Variants in PXDNL observed in about 807,000 individuals in gnomAD.
The protein encoded by PXDNL is peroxidasin like.
Under a neutral mutation model 150.8 loss-of-function variants are expected in PXDNL, and 145 were observed. The observed-to-expected ratio is 0.96, with a 90% CI of 0.84 to 1.10. PXDNL has a LOEUF of 1.10. PXDNL is among the 50% of genes least tolerant of loss of function. The pLI is 0.00. For missense variants in PXDNL, 2,087 were observed against 1,873.9 expected, an observed-to-expected ratio of 1.11 and a Z score of -2.10; for synonymous variants, 757 against 725.7, an observed-to-expected ratio of 1.04 and a Z score of -0.69.
chr8:51,335,198 AGTTT>A (rs1207025894), intron 21 of PXDNL, among the ~76,000 whole-genome samples: 23 of 152,088 alleles, frequency 1.5e-4, no homozygotes, highest in African/African-American at 5.6e-4. Flanking sequence ...TGTTTATATC[AGTTT>A]GTTTATTTGT....
At chr8:51,809,046 G>T in intron 1 of PXDNL, 135 bp downstream of exon 1, 1 of 876,426 alleles carries the variant, frequency 1.1e-6, no homozygotes, top group Non-Finnish European at 1.8e-6. Context: ...GAAATTGTTT[G>T]AAAAGTGAAA....
chr8:51,321,043 T>G (rs1805299599), intron 21 of PXDNL, 146 bp from the exon 22 acceptor site: 4 of 629,180 alleles, frequency 6.4e-6, no homozygotes, highest in Non-Finnish European at 1.1e-5. Flanking sequence ...TAATTTTTCA[T>G]TTTCCCCCAG....
chr8:51,684,647 G>A (rs954852307), intron 1 of PXDNL, among the ~76,000 whole-genome samples: 1 of 152,172 alleles, frequency 6.6e-6, no homozygotes, highest in Non-Finnish European at 1.5e-5. Flanking sequence ...TTATTCAGGT[G>A]GGCCTGACTT....
intron 1 of PXDNL, among the ~76,000 whole-genome samples, chr8:51,668,592 G>C (rs1003622906): frequency 1.3e-5 from 2 of 152,180 alleles, no homozygotes; most frequent in Admixed American, 1.3e-4. Flanking sequence ...CAACATGTCT[G>C]TACAAATGTA....
intron 3 of PXDNL, among the ~76,000 whole-genome samples, chr8:51,573,007 A>G (rs1320001444): frequency 2.6e-5 from 4 of 152,000 alleles, no homozygotes; most frequent in African/African-American, 9.7e-5. Flanking sequence ...ATTTATTTCA[A>G]ACTTAGAGAT....
At chr8:51,391,869 T>G (rs1180450592) in intron 17 of PXDNL, among the ~76,000 whole-genome samples, 2 of 152,220 alleles carry the variant, frequency 1.3e-5, no homozygotes, top group East Asian at 3.9e-4. Context: ...TTTATGGTTT[T>G]AGGTCTAATG....
At chr8:51,663,651 G>C (rs1815322554) in intron 1 of PXDNL, among the ~76,000 whole-genome samples, 1 of 152,146 alleles carries the variant, frequency 6.6e-6, no homozygotes, top group Admixed American at 6.5e-5. Context: ...AGAGTAAACT[G>C]AGAAAACCTG....
chr8:51,768,268 T>G (rs866658042), intron 1 of PXDNL, among the ~76,000 whole-genome samples: 29 of 152,106 alleles, frequency 1.9e-4, no homozygotes, highest in East Asian at 1.2e-3. Flanking sequence ...TGTTTTTTTT[T>G]TTTTGTTTTT....
At position 51,804,070 on chromosome 8, in the gene PXDNL, T is replaced by C. The variant is rs373968640; in HGVS notation, c.164+5111A>G. On this transcript the variant is annotated intron_variant, in intron 1 of 22. Transcript: ENST00000356297. ...GCCTCAGGAGGTCCTGATGACATGA[T>C]AGAGCACAATTCGGTTTTATACATT... is the stretch of plus-strand genomic sequence containing the variant. Among the ~76,000 whole-genome samples the C allele has an allele frequency of 5.9e-5, 9 of 152,342 alleles. No homozygotes were observed. The East Asian group carries it at 1.3e-3, about 23-fold the overall frequency.
intron 4 of PXDNL, among the ~76,000 whole-genome samples, chr8:51,500,911 T>C (rs1475651910): frequency 6.6e-6 from 1 of 152,182 alleles, no homozygotes; most frequent in Non-Finnish European, 1.5e-5. Context: ...AAAAGAAAAA[T>C]GTTTAAGAAA....
intron 17 of PXDNL, among the ~76,000 whole-genome samples, chr8:51,399,317 C>T (rs184080987): frequency 5.9e-5 from 9 of 152,114 alleles, no homozygotes; most frequent in Admixed American, 3.3e-4. Context: ...GAGATAAATA[C>T]GGGAAACAAC....
At chr8:51,435,767 T>A in intron 12 of PXDNL, 1 of 387,366 alleles carries the variant, frequency 2.6e-6, no homozygotes. Context: ...CAAGGGGGAG[T>A]GAAAAAACAA....
intron 2 of PXDNL, among the ~76,000 whole-genome samples, chr8:51,652,434 C>G (rs992082866): frequency 1.4e-5 from 2 of 144,066 alleles, no homozygotes; most frequent in African/African-American, 5.6e-5. Context: ...CTCTCTCTCT[C>G]TCTCTCACAC....
intron 1 of PXDNL, among the ~76,000 whole-genome samples, chr8:51,785,965 TGA>T (rs1265225990): frequency 6.6e-6 from 1 of 152,110 alleles, no homozygotes; most frequent in East Asian, 1.9e-4. Context: ...TTGTGAAGAC[TGA>T]GAGAGATGAG....
intron 3 of PXDNL, among the ~76,000 whole-genome samples, chr8:51,578,137 T>TGA (rs966013327): frequency 2.0e-5 from 2 of 100,982 alleles, no homozygotes; most frequent in African/African-American, 5.1e-5. Flanking sequence ...AAAGAAAGAG[T>TGA]GAGAGAGAGA....
chr8:51,359,550 G>A (rs1378667497), intron 19 of PXDNL, among the ~76,000 whole-genome samples: 3 of 89,314 alleles, frequency 3.4e-5, no homozygotes, highest in African/African-American at 7.1e-5. Context: ...AATAAAGAAC[G>A]TTTCAGAAGG....
At chr8:51,507,883 G>A (rs1006767442) in intron 4 of PXDNL, among the ~76,000 whole-genome samples, 9 of 152,182 alleles carry the variant, frequency 5.9e-5, no homozygotes, top group Non-Finnish European at 1.3e-4. Context: ...ACAGTGCCAG[G>A]TTGAGAAACA....
chr8:51,714,731 T>C (rs1816573467), intron 1 of PXDNL, among the ~76,000 whole-genome samples: 1 of 152,220 alleles, frequency 6.6e-6, no homozygotes, highest in Admixed American at 6.5e-5. Flanking sequence ...TTGCACCATT[T>C]TGTAAAGTAA....
chr8:51,638,481 G>C (rs968856014), intron 2 of PXDNL, among the ~76,000 whole-genome samples: 1 of 152,078 alleles, frequency 6.6e-6, no homozygotes, highest in African/African-American at 2.4e-5. Context: ...ACACACATAG[G>C]CTCAAAATAA....
Sources: gnomAD v4.1 joint callset for allele counts (sites outside exome capture counted in the v4.1 genomes callset) on GRCh38, gnomAD v4.1.1 for gene constraint, MANE v1.5 for transcripts, NCBI Gene and HGNC (gene_info 2026-07-23, HGNC 2026-07-21) for gene names.